The following HELB variants were observed in gnomAD, a reference collection of about 807,000 sequenced individuals.
HELB encodes the protein DNA 5'-3' helicase B.
HELB carries 96 observed loss-of-function variants against 101.7 expected under a neutral mutation model. The observed-to-expected ratio is 0.94, with a 90% CI of 0.80 to 1.12. The LOEUF is 1.12. Among genes scored for constraint, HELB ranks in the 50% most tolerant of loss-of-function variants. HELB has a pLI of 0.00. For missense variants in HELB, 1,210 were observed against 1,291.9 expected (o/e 0.94, Z 0.97); for synonymous variants, 437 against 459.7 (o/e 0.95, Z 0.63).
Position 66,331,448 on chromosome 12 carries a change from G to C in HELB, c.2965G>C (p.Val989Leu), listed in dbSNP as rs769082756. 1 of 1,614,200 alleles carries C rather than the reference G, an allele frequency of 6.2e-7. No homozygotes were observed. The highest frequency in any genetic ancestry group is 2.2e-5 in the East Asian group (1 of 44,890). Residue 989 changes from valine (V) to leucine (L), a missense_variant, in exon 12 of 13, where the codon GTC becomes CTC. Physicochemically the swap from Val to Leu is conservative, Grantham distance 32 (BLOSUM62 1). Coordinates refer to ENST00000247815, the MANE Select transcript of HELB (RefSeq NM_001370285.1). ...ACCGTCAGCATCTCCACTCCCTGTA[G>C]TCACAGACCACGCCATGACAAATGA... ...STPSASPLPV[V>L]TDHAMTNDVT...
In HELB at chr12:66,314,013, C is replaced by T; in HGVS notation, c.1708C>T (p.Gln570Ter). The change falls in exon 5 of 13, where the codon CAA becomes TAA. Residue 570 changes from glutamine (Q) to a stop codon, truncating the protein, a stop_gained. Coordinates refer to ENST00000247815, the MANE Select transcript of HELB (RefSeq NM_001370285.1). LOFTEE classifies it high-confidence loss of function. ...QVNYSFYSWT[Q>*]TMMTTNKPWK... ...CAATTATAGCTTCTATTCATGGACT[C>T]AAACAATGATGACCACAAACAAACC... 1 of 1,613,742 alleles carries T rather than the reference C, an allele frequency of 6.2e-7. No individual in the cohort carries two copies. Among genetic ancestry groups the T allele is most frequent in the Non-Finnish European group, 8.5e-7 (1 of 1,179,750 alleles).
Position 66,309,990 on chromosome 12 carries a change from T to C in HELB, c.1062T>C (p.Tyr354=), listed in dbSNP as rs145043869. The C allele has an allele frequency of 3.2e-5, 51 of 1,614,246 alleles. No homozygotes were observed. In the African/African-American group the frequency reaches 6.3e-4, roughly 20 times the overall value. ...VTYEKSCVFP[Y]DLYHAERAIA... ...ATGAGAAGTCCTGTGTCTTCCCTTA[T>C]GACCTTTACCATGCTGAAAGAGCCA... Residue 354 remains tyrosine (Y), a synonymous_variant, in exon 4 of 13, where the codon TAT becomes TAC. Coordinates refer to ENST00000247815, the MANE Select transcript of HELB (RefSeq NM_001370285.1).
intron 7 of HELB, among the ~76,000 whole-genome samples, chr12:66,321,109 C>G (rs1054048761): frequency 5.9e-5 from 9 of 152,128 alleles, no homozygotes; most frequent in African/African-American, 2.2e-4. Context: ...GTTTGTCTTC[C>G]CAGAGCAGGG....
downstream of HELB, chr12:66,339,125 C>T (rs761927999): frequency 6.6e-6 from 1 of 152,168 alleles, no homozygotes; most frequent in African/African-American, 2.4e-5. Flanking sequence ...TCCCACTGCT[C>T]AAAGTCCTCA....
At chr12:66,331,833 T>C (rs2137015939) in intron 12 of HELB, among the ~76,000 whole-genome samples, 188 bp downstream of exon 12, 1 of 152,320 alleles carries the variant, frequency 6.6e-6, no homozygotes, top group Non-Finnish European at 1.5e-5. Flanking sequence ...CTCACTCCTT[T>C]TCTCCTTCCC....
chr12:66,306,616 C>A, intron 3 of HELB, 102 bp downstream of exon 3: 1 of 654,404 alleles, frequency 1.5e-6, no homozygotes, highest in Non-Finnish European at 2.4e-6. Flanking sequence ...TTTGTGTGGA[C>A]CCCAGTATTG....
chr12:66,322,962 T>C (rs185503249), intron 9 of HELB, among the ~76,000 whole-genome samples, 179 bp downstream of exon 9: 231 of 152,098 alleles, frequency 1.5e-3, no homozygotes, highest in Admixed American at 6.6e-3. Flanking sequence ...TCCTTGGGAA[T>C]TGACATTTTA....
At chr12:66,332,395 C>T (rs903408103) in intron 12 of HELB, among the ~76,000 whole-genome samples, 14 of 152,168 alleles carry the variant, frequency 9.2e-5, no homozygotes, top group African/African-American at 3.4e-4. Flanking sequence ...CAACCGTGGT[C>T]CAAAAATATT....
At chr12:66,318,853 G>A in intron 7 of HELB, 61 bp downstream of exon 7, 1 of 1,266,688 alleles carries the variant, frequency 7.9e-7, no homozygotes. Context: ...TTGTAACATA[G>A]TTATTAAATG....
chr12:66,310,634 A>G (rs770368804), intron 4 of HELB, 26 bp downstream of exon 4: 29 of 1,584,944 alleles, frequency 1.8e-5, no homozygotes, highest in Non-Finnish European at 2.4e-5. Flanking sequence ...TTTCATCTGT[A>G]GATAAAACAT....
At chr12:66,318,219 T>A (rs1432517401) in intron 6 of HELB, among the ~76,000 whole-genome samples, 1 of 152,190 alleles carries the variant, frequency 6.6e-6, no homozygotes, top group Non-Finnish European at 1.5e-5. Context: ...TCTCCTGTTT[T>A]CTATTATTGT....
rs767566943 is a variant in HELB, at chr12:66,304,786, G to T, written c.243G>T (p.Pro81=). The T allele has an allele frequency of 1.2e-6, 2 of 1,613,822 alleles. No individual in the cohort carries two copies. The highest frequency in any genetic ancestry group is 1.6e-4 in the Middle Eastern group (1 of 6,084). The change falls in exon 2 of 13, where the codon CCG becomes CCT. Residue 81 remains proline (P), a synonymous_variant. Transcript: ENST00000247815. ...CATGTAAAGTGTTTGGACGTTTTCCGATAACAGGTGCTTGGTGGAGAGTGA... is the reference window on the plus strand; with the variant it reads ...CATGTAAAGTGTTTGGACGTTTTCCTATAACAGGTGCTTGGTGGAGAGTGA... ...QETCKVFGRF[P]ITGAWWRVKV...
chr12:66,308,336 TGTCAGGATCTGGAA>T (rs2136989566), intron 3 of HELB, among the ~76,000 whole-genome samples: 1 of 152,298 alleles, frequency 6.6e-6, no homozygotes, highest in Non-Finnish European at 1.5e-5. Flanking sequence ...CCTCCCGCCA[TGTCAGGATCTGGAA>T]GTGTTTTCTC....
intron 1 of HELB, among the ~76,000 whole-genome samples, chr12:66,303,218 C>T (rs989741860): frequency 4.6e-5 from 7 of 151,288 alleles, no homozygotes; most frequent in African/African-American, 1.7e-4. Flanking sequence ...CACCCAGAAT[C>T]GGAACTTTTA....
At chr12:66,321,500 GTGTCC>G (rs1341161423) in intron 7 of HELB, 1 of 159,748 alleles carries the variant, frequency 6.3e-6, no homozygotes, top group Non-Finnish European at 1.4e-5. Flanking sequence ...CCACATGTGG[GTGTCC>G]TGCATATTAA....
At chr12:66,340,898 A>G (rs2053913543), downstream of HELB, 1 of 152,596 alleles carries the variant, frequency 6.6e-6, no homozygotes, top group African/African-American at 2.4e-5. Flanking sequence ...CAGCCCACTG[A>G]CTCAAATGTT....
In HELB at chr12:66,304,763, T is replaced by C. The variant is rs762883213; in HGVS notation, c.220T>C (p.Cys74Arg). The change falls in exon 2 of 13, where the codon TGT (cysteine) becomes CGT (arginine). Residue 74 changes from cysteine (C) to arginine (R), a missense_variant. By Grantham distance (180) the Cys-to-Arg change is radical (BLOSUM62 -3). Transcript: ENST00000247815. The part of the protein sequence containing the change: ...SICDENTQET[C>R]KVFGRFPITG... ...TTGTGATGAAAACACACAAGAGACA[T>C]GTAAAGTGTTTGGACGTTTTCCGAT... 11 of 1,613,338 alleles carry C rather than the reference T, an allele frequency of 6.8e-6. No homozygotes were observed. The East Asian group carries it at 2.0e-4, about 29-fold the overall frequency.
chr12:66,309,601 T>C lies in HELB; in HGVS notation c.778-105T>C. 4.6e-6 allele frequency: 3 copies of C among 657,124 alleles called. No individual in the cohort carries two copies. The South Asian group carries it at 9.7e-5, about 21-fold the overall frequency. 40.7% of individuals were successfully genotyped at this position (657,124 alleles called of 1,614,324 possible). A position where few individuals can be genotyped will look rare whatever the true frequency, so the allele number is the denominator to read the frequency against. On this transcript the variant is annotated intron_variant, in intron 3 of 12. Transcript: ENST00000247815. ...ATGTTCTATGGTATTTTCTGTAAAT[T>C]TTGTTGAAGTTCATGTCTTCTGGGA...
intron 9 of HELB, 22 bp from the exon 10 acceptor site, chr12:66,323,961 A>G: frequency 2.0e-6 from 3 of 1,501,342 alleles, no homozygotes; most frequent in African/African-American, 1.4e-5. Flanking sequence ...CTTTGATTAT[A>G]TATTATCATT....
Sources: gnomAD v4.1 joint callset for allele counts (sites outside exome capture counted in the v4.1 genomes callset) on GRCh38, gnomAD v4.1.1 for gene constraint, MANE v1.5 for transcripts, NCBI Gene and HGNC (gene_info 2026-07-23, HGNC 2026-07-21) for gene names.